Variants in PAM observed in about 807,000 individuals in gnomAD.
PAM encodes the protein peptidylglycine alpha-amidating monooxygenase.
A neutral mutation model predicts 122.1 loss-of-function variants in PAM; 72 were observed. The ratio of observed to expected loss-of-function variants is 0.59; its 90% CI spans 0.49 to 0.72. The LOEUF (loss-of-function observed/expected upper bound fraction) is 0.72, where lower values mean the gene tolerates loss of function less well. PAM is among the 30% of genes least tolerant of loss of function. The probability of loss-of-function intolerance (pLI) is 0.00; values close to 1 mark genes in which losing one functional copy is unlikely to be tolerated. For missense variants in PAM, 1,106 were observed against 1,183.7 expected, an observed-to-expected ratio of 0.93 and a Z score of 0.96; for synonymous variants, 389 against 404.4, an observed-to-expected ratio of 0.96 and a Z score of 0.46.
intron 23 of PAM, among the ~76,000 whole-genome samples, chr5:103,024,121 AATGT>A (rs1244650098): frequency 6.6e-6 from 1 of 152,132 alleles, no homozygotes; most frequent in Non-Finnish European, 1.5e-5. Flanking sequence ...AAATTTCAGA[AATGT>A]ATGACCTGTG....
intron 5 of PAM, among the ~76,000 whole-genome samples, chr5:102,915,779 CCA>C (rs1304976822): frequency 6.6e-6 from 1 of 152,036 alleles, no homozygotes; most frequent in Non-Finnish European, 1.5e-5. Context: ...AAATGCTATT[CCA>C]GTTCTAATTG....
chr5:102,945,103 C>A (rs959001202), intron 7 of PAM, among the ~76,000 whole-genome samples: 1 of 151,882 alleles, frequency 6.6e-6, no homozygotes, highest in African/African-American at 2.4e-5. Context: ...GTGATTTTTT[C>A]CTATGCTCTA....
At chr5:102,759,818 G>A (rs1256476406) in intron 1 of PAM, among the ~76,000 whole-genome samples, 1 of 152,164 alleles carries the variant, frequency 6.6e-6, no homozygotes, top group African/African-American at 2.4e-5. Context: ...TGACATTGAA[G>A]ACTGAAACAA....
At chr5:102,844,706 A>T (rs78337249) in intron 1 of PAM, among the ~76,000 whole-genome samples, 1 of 152,004 alleles carries the variant, frequency 6.6e-6, no homozygotes, top group African/African-American at 2.4e-5. Flanking sequence ...AACAAAAAAA[A>T]GAATGGGCTC....
chr5:103,028,520 T>C (rs959846392), intron 25 of PAM, among the ~76,000 whole-genome samples: 1 of 152,170 alleles, frequency 6.6e-6, no homozygotes, highest in Non-Finnish European at 1.5e-5. Context: ...AAATTTTCTG[T>C]CACTCCTGTT....
chr5:103,001,803 C>T (rs954776324), intron 16 of PAM, among the ~76,000 whole-genome samples: 3 of 151,920 alleles, frequency 2.0e-5, no homozygotes, highest in African/African-American at 7.2e-5. Flanking sequence ...GGATTCATGA[C>T]AGATCCAAGC....
At chr5:102,945,430 A>G (rs948232833) in intron 7 of PAM, among the ~76,000 whole-genome samples, 8 of 151,876 alleles carry the variant, frequency 5.3e-5, no homozygotes, top group Non-Finnish European at 1.0e-4. Context: ...ATTGAAATGT[A>G]AATCTATAGT....
intron 5 of PAM, among the ~76,000 whole-genome samples, chr5:102,918,220 G>T (rs901359434): frequency 6.6e-6 from 1 of 152,156 alleles, no homozygotes; most frequent in Admixed American, 6.6e-5. Context: ...CTTCCCAGGC[G>T]TTTGGAGGAG....
chr5:102,944,462 A>G (rs1425182619), intron 7 of PAM, among the ~76,000 whole-genome samples: 1 of 152,156 alleles, frequency 6.6e-6, no homozygotes, highest in Non-Finnish European at 1.5e-5. Context: ...AATAAATGAA[A>G]CCACCTGAAA....
At chr5:102,850,947 T>C (rs1256868951) in intron 1 of PAM, among the ~76,000 whole-genome samples, 1 of 152,042 alleles carries the variant, frequency 6.6e-6, no homozygotes, top group Non-Finnish European at 1.5e-5. Context: ...GGGACAAATG[T>C]GGGGCGACAG....
intron 3 of PAM, among the ~76,000 whole-genome samples, chr5:102,883,897 A>G (rs1463230478): frequency 6.6e-6 from 1 of 151,868 alleles, no homozygotes; most frequent in East Asian, 1.9e-4. Context: ...TTCTATGCCA[A>G]TTATGCTGAG....
chr5:102,954,269 C>T lies in PAM; in HGVS notation c.905+3449C>T, dbSNP rs182461241. ...TGTCACCCAAGCAATGTACACTGTA[C>T]CCAATATGTAGTTTTTTTTATCCTT... On this transcript the variant is annotated intron_variant, in intron 12 of 25. Transcript: ENST00000438793. 5.1e-4 allele frequency among the ~76,000 whole-genome samples: 78 copies of T among 151,836 alleles called. No homozygotes were observed. In the East Asian group the frequency reaches 0.011, roughly 22 times the overall value.
chr5:102,974,043 A>T, intron 14 of PAM, 73 bp from the exon 15 acceptor site: 2 of 968,740 alleles, frequency 2.1e-6, no homozygotes, highest in Non-Finnish European at 3.1e-6. Flanking sequence ...GATATTTTTT[A>T]AAGCACCAAA....
chr5:102,948,719 A>T (rs914379526), intron 9 of PAM, among the ~76,000 whole-genome samples: 1 of 152,148 alleles, frequency 6.6e-6, no homozygotes, highest in Non-Finnish European at 1.5e-5. Context: ...TTGAGTATTT[A>T]AAAATAAATC....
intron 1 of PAM, among the ~76,000 whole-genome samples, chr5:102,761,437 T>C (rs1448305694): frequency 6.6e-6 from 1 of 152,154 alleles, no homozygotes; most frequent in East Asian, 1.9e-4. Context: ...CTGCATTGAG[T>C]GTACAGTTCA....
Position 102,906,189 on chromosome 5 carries a change from A to C in PAM, c.268+4776A>C, listed in dbSNP as rs111284963. 2.5e-3 allele frequency among the ~76,000 whole-genome samples: 383 copies of C among 151,856 alleles called. 3 individuals are homozygous for C. Among genetic ancestry groups the C allele is most frequent in the African/African-American group, 8.6e-3 (356 of 41,514 alleles). Reference sequence around the variant, plus strand: ...ATAGGAGCCATTTCTAATGTCTTCAATTAGGTACATCTAATGATCACCAAA... The same window carrying C: ...ATAGGAGCCATTTCTAATGTCTTCACTTAGGTACATCTAATGATCACCAAA... On this transcript the variant is annotated intron_variant, in intron 4 of 25. Transcript: ENST00000438793.
intron 1 of PAM, among the ~76,000 whole-genome samples, chr5:102,770,915 C>T (rs1316781256): frequency 6.6e-6 from 1 of 151,952 alleles, no homozygotes; most frequent in Non-Finnish European, 1.5e-5. Flanking sequence ...CAAATACTCT[C>T]TGTAGTCCAT....
chr5:102,832,852 G>A (rs258241), intron 1 of PAM, among the ~76,000 whole-genome samples: 104,403 of 151,934 alleles, frequency 0.69, 36,149 homozygotes, highest in South Asian at 0.82. Flanking sequence ...GTGACTAGGA[G>A]CACAGGTTTT....
chr5:102,915,789 T>C (rs187061685), intron 5 of PAM, among the ~76,000 whole-genome samples: 6 of 152,254 alleles, frequency 3.9e-5, no homozygotes, highest in East Asian at 1.9e-4. Context: ...CCAGTTCTAA[T>C]TGTTAGGAAA....
Sources: allele counts gnomAD v4.1 joint callset (sites outside exome capture counted in the v4.1 genomes callset), GRCh38; gene constraint gnomAD v4.1.1; transcripts MANE v1.5; gene names NCBI Gene and HGNC (gene_info 2026-07-23, HGNC 2026-07-21).